The following SAP30BP variants were observed in gnomAD, a reference collection of about 807,000 sequenced individuals.
The protein encoded by SAP30BP is SAP30-binding protein.
Under a neutral mutation model 46.3 loss-of-function variants are expected in SAP30BP, and 31 were observed. That is an observed-to-expected ratio of 0.67 (90% confidence interval 0.50 to 0.90). The LOEUF (loss-of-function observed/expected upper bound fraction) is 0.90, where lower values mean the gene tolerates loss of function less well. Ranked by LOEUF, SAP30BP falls within the 40% of genes least tolerant of loss-of-function variation. The pLI is 0.00. For missense variants in SAP30BP, 312 were observed against 391.0 expected, an observed-to-expected ratio of 0.80 and a Z score of 1.70; for synonymous variants, 169 against 144.2, an observed-to-expected ratio of 1.17 and a Z score of -1.23.
At chr17:75,683,020 G>T (rs1758919335) in intron 3 of SAP30BP, among the ~76,000 whole-genome samples, 1 of 146,818 alleles carries the variant, frequency 6.8e-6, no homozygotes, top group Admixed American at 6.9e-5. Context: ...TAAAGCTGCT[G>T]TAAGAAAAAT....
At chr17:75,691,054 A>G (rs917931909) in intron 3 of SAP30BP, among the ~76,000 whole-genome samples, 1 of 152,188 alleles carries the variant, frequency 6.6e-6, no homozygotes, top group Non-Finnish European at 1.5e-5. Context: ...TACTTTGTTC[A>G]GAGGCACTGA....
At chr17:75,700,107 G>C in intron 5 of SAP30BP, 1 of 338,222 alleles carries the variant, frequency 3.0e-6, no homozygotes. Flanking sequence ...GGGCGGCCCT[G>C]TCTTGCCTTC....
In SAP30BP at chr17:75,707,711, A is replaced by T. The variant is rs2148428203; in HGVS notation, c.*1190A>T. The T allele has an allele frequency of 6.6e-6, 1 of 152,384 alleles. No individual in the cohort carries two copies. Among genetic ancestry groups the T allele is most frequent in the South Asian group, 2.1e-4 (1 of 4,814 alleles). The allele number at this position is 152,384 out of a possible 1,614,324, so 9.4% of individuals were successfully genotyped here. On this transcript the variant is annotated 3_prime_UTR_variant, in exon 11 of 11. Transcript: ENST00000584667. The stretch of plus-strand genomic sequence containing the variant: ...CGGGCACTTCAGGAGGTCAGTTCTC[A>T]CCCCTTCCTCGATGGGGCTTTAAAG...
At chr17:75,702,679 C>T in intron 6 of SAP30BP, 108 bp downstream of exon 6, 1 of 551,726 alleles carries the variant, frequency 1.8e-6, no homozygotes. Flanking sequence ...CAAACCATCA[C>T]CCAGACTTGT....
At position 75,668,602 on chromosome 17, in the gene SAP30BP, G is replaced by C; in HGVS notation, c.193G>C (p.Glu65Gln). The C allele has an allele frequency of 1.2e-6, 2 of 1,605,066 alleles. No homozygotes were observed. Among genetic ancestry groups the C allele is most frequent in the Non-Finnish European group, 1.7e-6 (2 of 1,175,412 alleles). Reference protein sequence around the residue: ...GGDEDGYEEEEDENSRQSEDD... With the variant: ...GGDEDGYEEEQDENSRQSEDD... Reference sequence around the variant, plus strand: ...TGATGAAGATGGTTATGAAGAAGAAGAAGATGAGAACAGTAGACAGTCGGT... The same window carrying C: ...TGATGAAGATGGTTATGAAGAAGAACAAGATGAGAACAGTAGACAGTCGGT... The change falls in exon 2 of 11, where the codon GAA becomes CAA. Residue 65 changes from glutamate (E) to glutamine (Q), a missense_variant. Physicochemically the swap from Glu to Gln is conservative, Grantham distance 29. Coordinates refer to ENST00000584667, the MANE Select transcript of SAP30BP (RefSeq NM_013260.8).
rs2060452563 is a variant in SAP30BP at position 75,703,825 on chromosome 17, T to C, written c.567T>C (p.His189=). ...TNYPKDMFDP[H]GWSEDSYYEA... is the part of the protein sequence containing the mutation. The stretch of plus-strand genomic sequence containing the variant: ...CTTTGCAGGATATGTTTGATCCCCA[T>C]GGCTGGTCTGAGGACTCCTACTATG... Residue 189 remains histidine (H), a synonymous_variant, in exon 8 of 11, where the codon CAT becomes CAC. Transcript: ENST00000584667. The C allele has an allele frequency of 3.1e-6, 5 of 1,613,952 alleles. No individual in the cohort carries two copies. The African/African-American group carries it at 6.7e-5, about 22-fold the overall frequency.
At chr17:75,680,127 G>A (rs999858535) in intron 3 of SAP30BP, among the ~76,000 whole-genome samples, 5 of 152,094 alleles carry the variant, frequency 3.3e-5, no homozygotes, top group Non-Finnish European at 5.9e-5. Flanking sequence ...GGGAGGGACT[G>A]GGATCGCCGG....
chr17:75,668,369 A>T, intron 1 of SAP30BP, 147 bp from the exon 2 acceptor site: 3 of 553,586 alleles, frequency 5.4e-6, no homozygotes, highest in South Asian at 5.3e-5. Flanking sequence ...ATCTGGGCCT[A>T]TTGTAACTTA....
chr17:75,680,310 C>T (rs908984059), intron 3 of SAP30BP, among the ~76,000 whole-genome samples: 4 of 152,122 alleles, frequency 2.6e-5, no homozygotes, highest in Non-Finnish European at 5.9e-5. Context: ...TTTAAAAAGG[C>T]GTGTATAACC....
At chr17:75,703,224 T>A (rs1006785840) in intron 6 of SAP30BP, 87 bp from the exon 7 acceptor site, 9 of 1,276,210 alleles carry the variant, frequency 7.1e-6, no homozygotes, top group Non-Finnish European at 9.1e-6. Context: ...TTGTGAAGGT[T>A]TTGTGTCAGC....
intron 3 of SAP30BP, among the ~76,000 whole-genome samples, chr17:75,679,080 G>A (rs1028668749): frequency 6.8e-6 from 1 of 146,858 alleles, no homozygotes; most frequent in East Asian, 2.1e-4. Flanking sequence ...TGCAAGCTCC[G>A]CCTCCCAGGT....
intron 3 of SAP30BP, chr17:75,691,674 G>A (rs2060244772): frequency 8.6e-6 from 3 of 348,878 alleles, no homozygotes; most frequent in East Asian, 1.5e-4. Flanking sequence ...GGTATGGTGC[G>A]GAGCCTTGGG....
intron 3 of SAP30BP, among the ~76,000 whole-genome samples, chr17:75,678,323 G>T (rs2060023159): frequency 6.6e-6 from 1 of 152,034 alleles, no homozygotes; most frequent in South Asian, 2.1e-4. Flanking sequence ...TTTAGCCTTG[G>T]GAATCCTTCT....
At position 75,706,242 on chromosome 17, in the gene SAP30BP, G is replaced by T; in HGVS notation, c.746-98G>T. The T allele has an allele frequency of 1.3e-6, 2 of 1,544,238 alleles. No homozygotes were observed. The highest frequency in any genetic ancestry group is 8.8e-7 in the Non-Finnish European group (1 of 1,138,770). On this transcript the variant is annotated intron_variant, in intron 10 of 10. Transcript: ENST00000584667. This position sits in a 1 kb window ranked among gnomAD's most constrained non-coding sequence, Gnocchi z 4.6. ...TTTGGAGTCTGGGGTGGGCCACTTC[G>T]GGGTCTGCTCCCTAGACTCCCGCTG...
intron 3 of SAP30BP, among the ~76,000 whole-genome samples, chr17:75,688,348 A>G (rs970201159): frequency 6.6e-6 from 1 of 152,152 alleles, no homozygotes; most frequent in African/African-American, 2.4e-5. Context: ...GAAAGGAGTC[A>G]TTTTACTAAT....
intron 3 of SAP30BP, chr17:75,693,087 A>T: frequency 5.4e-5 from 11 of 204,532 alleles, no homozygotes; most frequent in East Asian, 1.3e-4. Context: ...CACTCCATTC[A>T]GGCAAGCTTC....
chr17:75,704,943 G>C, intron 9 of SAP30BP, 129 bp downstream of exon 9: 6 of 748,110 alleles, frequency 8.0e-6, no homozygotes, highest in East Asian at 2.6e-5. Context: ...GATGCTCTGA[G>C]CCTCTCAGCA....
rs575418169 is a variant in SAP30BP at position 75,698,064 on chromosome 17, TGA to T, written c.308-1713_308-1712del. On this transcript the variant is annotated intron_variant, in intron 4 of 10. Coordinates refer to ENST00000584667, the MANE Select transcript of SAP30BP (RefSeq NM_013260.8). ...TTTGCTCATTGTATGATCCTTTTCA[TGA>T]GAGAGTGTTTTGAAGAGCGCAGACA... 5.3e-3 allele frequency among the ~76,000 whole-genome samples: 812 copies of T among 152,352 alleles called. 8 individuals are homozygous for T. The highest frequency in any genetic ancestry group is 0.019 in the African/African-American group (770 of 41,578).
intron 1 of SAP30BP, 50 bp from the exon 2 acceptor site, chr17:75,668,466 G>GT (rs764914738): frequency 0.047 from 45,801 of 965,434 alleles, no homozygotes; most frequent in South Asian, 0.059. Flanking sequence ...TGTAACTCTT[G>GT]TTTTTTTTTT....
Sources: gnomAD v4.1 joint callset for allele counts (sites outside exome capture counted in the v4.1 genomes callset) on GRCh38, gnomAD v4.1.1 for gene constraint, Gnocchi (gnomAD v3.1) non-coding constraint, MANE v1.5 for transcripts, NCBI Gene and HGNC (gene_info 2026-07-23, HGNC 2026-07-21) for gene names.